Variants in UNC13B observed in about 807,000 individuals in gnomAD.
UNC13B encodes the protein protein unc-13 homolog B.
A neutral mutation model predicts 211.0 loss-of-function variants in UNC13B; 144 were observed. The ratio of observed to expected loss-of-function variants is 0.68; its 90% CI spans 0.60 to 0.78. The LOEUF (loss-of-function observed/expected upper bound fraction) is 0.78. Ranked by LOEUF, UNC13B falls within the 30% of genes least tolerant of loss-of-function variation. The pLI, the probability that UNC13B is intolerant of heterozygous loss-of-function variation, is 0.00. For missense variants in UNC13B, 1,777 were observed against 2,002.0 expected (o/e 0.89, Z 2.14); for synonymous variants, 709 against 725.8 (o/e 0.98, Z 0.37).
Position 35,301,413 on chromosome 9 carries a change from C to CA in UNC13B, c.2016dup (p.Asp673ArgfsTer2), listed in dbSNP as rs1307647583. 8 of 398,016 alleles carry CA rather than the reference C, an allele frequency of 2.0e-5. No individual in the cohort carries two copies. The highest frequency in any genetic ancestry group is 1.8e-5 in the Non-Finnish European group (4 of 225,740). 24.7% of individuals were successfully genotyped at this position (398,016 alleles called of 1,614,324 possible). A position where few individuals can be genotyped will look rare whatever the true frequency, so the allele number is the denominator to read the frequency against. On this transcript the variant is annotated frameshift_variant, in exon 9 of 40. Transcript: ENST00000635942. LOFTEE classifies it high-confidence loss of function. ...AAGATCTTTTCAGAAAAGGAGGAAA[C>CA]AAAAAAAGATGATGACCAGAGTAAG... is the stretch of plus-strand genomic sequence containing the variant.
intron 1 of UNC13B, among the ~76,000 whole-genome samples, chr9:35,206,000 A>G (rs1823621495): frequency 6.6e-6 from 1 of 152,078 alleles, no homozygotes; most frequent in East Asian, 1.9e-4. Flanking sequence ...GTTGGGCAAC[A>G]TGATGTAACC....
chr9:35,196,193 A>G (rs533315213), intron 1 of UNC13B, among the ~76,000 whole-genome samples: 18 of 152,024 alleles, frequency 1.2e-4, no homozygotes, highest in Middle Eastern at 3.4e-3. Flanking sequence ...TTAAAATGTT[A>G]AGTTTTAAAT....
intron 1 of UNC13B, among the ~76,000 whole-genome samples, chr9:35,217,693 C>A (rs1824335628): frequency 6.6e-6 from 1 of 152,054 alleles, no homozygotes; most frequent in South Asian, 2.1e-4. Context: ...CCGGCGCCTA[C>A]TATCATTTCT....
intron 6 of UNC13B, among the ~76,000 whole-genome samples, chr9:35,255,466 G>T (rs1826821469): frequency 1.3e-5 from 2 of 152,088 alleles, no homozygotes; most frequent in Non-Finnish European, 2.9e-5. Context: ...AGCTGTGCAG[G>T]AGACTGCAGT....
intron 11 of UNC13B, among the ~76,000 whole-genome samples, chr9:35,314,660 A>G (rs2131879191): frequency 6.6e-6 from 1 of 152,074 alleles, no homozygotes; most frequent in Non-Finnish European, 1.5e-5. Context: ...AGTGTACATT[A>G]TACCCATTAA....
intron 11 of UNC13B, among the ~76,000 whole-genome samples, chr9:35,326,808 A>G (rs1701413602): frequency 6.6e-6 from 1 of 152,242 alleles, no homozygotes; most frequent in Admixed American, 6.5e-5. Context: ...ATTTTATTGT[A>G]TTGTACAGCA....
intron 18 of UNC13B, 136 bp from the exon 19 acceptor site, chr9:35,380,964 C>T (rs913081364): frequency 3.9e-6 from 3 of 772,308 alleles, no homozygotes; most frequent in Admixed American, 5.8e-5. Context: ...GTGATTCACC[C>T]TATTTGGTGA....
chr9:35,192,484 T>C (rs1822710970), intron 1 of UNC13B, among the ~76,000 whole-genome samples: 1 of 152,216 alleles, frequency 6.6e-6, no homozygotes, highest in Non-Finnish European at 1.5e-5. Context: ...ACACCTGAGT[T>C]AAATTTCAGA....
At chr9:35,265,524 C>T (rs1827518963) in intron 7 of UNC13B, among the ~76,000 whole-genome samples, 1 of 152,164 alleles carries the variant, frequency 6.6e-6, no homozygotes, top group Non-Finnish European at 1.5e-5. Flanking sequence ...CAGATGTATA[C>T]ACTATGTAAA....
intron 11 of UNC13B, among the ~76,000 whole-genome samples, chr9:35,330,659 G>A (rs1587634914): frequency 6.6e-6 from 1 of 152,174 alleles, no homozygotes; most frequent in Non-Finnish European, 1.5e-5. Context: ...GTAGCAATAC[G>A]GATGTTTTTT....
At chr9:35,201,215 A>T (rs1823265453) in intron 1 of UNC13B, among the ~76,000 whole-genome samples, 1 of 152,044 alleles carries the variant, frequency 6.6e-6, no homozygotes, top group South Asian at 2.1e-4. Context: ...AAGCTTTTAG[A>T]TGTGCTGCTG....
chr9:35,279,085 T>C (rs1179201075), intron 7 of UNC13B, among the ~76,000 whole-genome samples: 1 of 152,212 alleles, frequency 6.6e-6, no homozygotes, highest in Admixed American at 6.5e-5. Flanking sequence ...TTTAAATATA[T>C]AATTTAGTGA....
intron 1 of UNC13B, among the ~76,000 whole-genome samples, chr9:35,186,279 T>C (rs1463001305): frequency 6.6e-6 from 1 of 152,214 alleles, no homozygotes. Context: ...ATCTACATGA[T>C]GAAAATCTTG....
chr9:35,396,363 C>G (rs1835875149), intron 26 of UNC13B, 113 bp from the exon 27 acceptor site: 1 of 1,397,360 alleles, frequency 7.2e-7, no homozygotes, highest in Non-Finnish European at 9.8e-7. Context: ...GGGAGTCACC[C>G]TTGTCCTAAG....
chr9:35,292,431 C>T (rs747667698), intron 7 of UNC13B, among the ~76,000 whole-genome samples: 5 of 152,188 alleles, frequency 3.3e-5, no homozygotes, highest in Admixed American at 6.5e-5. Context: ...TACCACTGGG[C>T]CTTTCATCAT....
intron 11 of UNC13B, among the ~76,000 whole-genome samples, chr9:35,321,269 G>A (rs1488463859): frequency 6.6e-6 from 1 of 151,960 alleles, no homozygotes; most frequent in Admixed American, 6.6e-5. Flanking sequence ...TGCCTGGGCT[G>A]GAGTGCAGTG....
chr9:35,328,617 TTCCTTC>T (rs1345661291), intron 11 of UNC13B, among the ~76,000 whole-genome samples: 2 of 108,854 alleles, frequency 1.8e-5, no homozygotes, highest in South Asian at 3.6e-4. Context: ...CCTTCCTTCC[TTCCTTC>T]CTTCCTTCCT....
chr9:35,393,208 G>A (rs756014558), intron 26 of UNC13B, among the ~76,000 whole-genome samples: 1 of 152,204 alleles, frequency 6.6e-6, no homozygotes, highest in African/African-American at 2.4e-5. Flanking sequence ...AATGCCACAA[G>A]AGGAGTAAGT....
chr9:35,230,848 G>A (rs950385163), intron 2 of UNC13B, among the ~76,000 whole-genome samples: 4 of 152,018 alleles, frequency 2.6e-5, no homozygotes, highest in Non-Finnish European at 4.4e-5. Flanking sequence ...TTCAGTTTGA[G>A]TGTGTGTGTA....
Sources: allele counts gnomAD v4.1 joint callset (sites outside exome capture counted in the v4.1 genomes callset), GRCh38; gene constraint gnomAD v4.1.1; transcripts MANE v1.5; gene names NCBI Gene and HGNC (gene_info 2026-07-23, HGNC 2026-07-21).